ITGA9: variants seen among roughly 807,000 people sequenced by gnomAD.
The protein encoded by ITGA9 is integrin alpha-9.
ITGA9 carries 56 observed loss-of-function variants against 127.8 expected under a neutral mutation model. The ratio of observed to expected loss-of-function variants is 0.44; its 90% CI spans 0.35 to 0.55. The LOEUF (loss-of-function observed/expected upper bound fraction) is 0.55. ITGA9 is among the 20% of genes least tolerant of loss of function. The pLI is 0.00. For synonymous variants in ITGA9, 508 were observed against 514.5 expected, an observed-to-expected ratio of 0.99 and a Z score of 0.17; for missense variants, 1,196 against 1,347.1, an observed-to-expected ratio of 0.89 and a Z score of 1.76.
rs534734645 is a variant in ITGA9 at position 37,745,448 on chromosome 3, T to C, written c.2433+1414T>C. The stretch of plus-strand genomic sequence containing the variant: ...ATTTCTGAATTGCTTCTCAGAGTTA[T>C]TTTATTTTTCTCCTTTGCTTTTCGT... On this transcript the variant is annotated intron_variant, in intron 22 of 27. Transcript: ENST00000264741. 4 of 152,364 alleles carry C rather than the reference T, an allele frequency of 2.6e-5. No homozygotes were observed. In the South Asian group the frequency reaches 6.2e-4, roughly 24 times the overall value. The allele number at this position is 152,364 out of a possible 1,614,324, so 9.4% of individuals were successfully genotyped here.
intron 18 of ITGA9, among the ~76,000 whole-genome samples, chr3:37,695,353 G>A (rs1700874291): frequency 6.6e-6 from 1 of 152,196 alleles, no homozygotes; most frequent in Admixed American, 6.5e-5. Flanking sequence ...GAAATTGTTT[G>A]CTACAGTCGG....
chr3:37,492,504 C>T (rs530239855), intron 4 of ITGA9, among the ~76,000 whole-genome samples: 1 of 152,206 alleles, frequency 6.6e-6, no homozygotes, highest in African/African-American at 2.4e-5. Flanking sequence ...CTCGGAAACC[C>T]GAGGTCCTGC....
chr3:37,481,720 G>A, intron 4 of ITGA9, 113 bp downstream of exon 4: 1 of 1,394,524 alleles, frequency 7.2e-7, no homozygotes, highest in Non-Finnish European at 1.0e-6. Flanking sequence ...ACATGCTCAT[G>A]ATAGGGCAGC....
chr3:37,786,439 T>C (rs1473409834), intron 26 of ITGA9, among the ~76,000 whole-genome samples: 1 of 151,898 alleles, frequency 6.6e-6, no homozygotes, highest in Non-Finnish European at 1.5e-5. Context: ...CTAAAAAATA[T>C]AAAAATTAGC....
chr3:37,478,506 G>A (rs1337529912), intron 3 of ITGA9, among the ~76,000 whole-genome samples: 1 of 152,120 alleles, frequency 6.6e-6, no homozygotes, highest in Non-Finnish European at 1.5e-5. Flanking sequence ...ATTTGGAGTG[G>A]GACAAGGCCC....
chr3:37,627,977 C>T (rs371830599), intron 15 of ITGA9, among the ~76,000 whole-genome samples: 1 of 152,122 alleles, frequency 6.6e-6, no homozygotes, highest in Non-Finnish European at 1.5e-5. Flanking sequence ...GGGGTGGGAG[C>T]AAATTCCTCC....
intron 13 of ITGA9, among the ~76,000 whole-genome samples, chr3:37,529,018 C>T (rs199927311): frequency 6.6e-6 from 1 of 151,762 alleles, no homozygotes; most frequent in African/African-American, 2.4e-5. Context: ...AGTATGGACT[C>T]TTGTTTCTGG....
At chr3:37,578,520 C>A in intron 15 of ITGA9, among the ~76,000 whole-genome samples, 1 of 151,782 alleles carries the variant, frequency 6.6e-6, no homozygotes, top group African/African-American at 2.4e-5. Flanking sequence ...CTTCCTTTCA[C>A]CCATCTTTTT....
At chr3:37,516,620 C>T (rs905979438) in intron 9 of ITGA9, among the ~76,000 whole-genome samples, 3 of 152,178 alleles carry the variant, frequency 2.0e-5, no homozygotes, top group Non-Finnish European at 2.9e-5. Context: ...GAAATCATCT[C>T]ACCTTGACTG....
At chr3:37,654,524 T>C (rs1700459194) in intron 17 of ITGA9, among the ~76,000 whole-genome samples, 1 of 152,208 alleles carries the variant, frequency 6.6e-6, no homozygotes. Context: ...TGTTTTAGCC[T>C]TGGGGCCAGA....
intron 16 of ITGA9, among the ~76,000 whole-genome samples, chr3:37,638,451 G>GAA (rs35047739): frequency 0.049 from 6,262 of 127,528 alleles, 377 homozygotes; most frequent in African/African-American, 0.13. Flanking sequence ...TGATTATGGG[G>GAA]AAAAAAAAAA....
At chr3:37,473,494 G>GT (rs777053830) in intron 3 of ITGA9, 34 bp downstream of exon 3, 12 of 1,496,226 alleles carry the variant, frequency 8.0e-6, no homozygotes, top group Non-Finnish European at 1.1e-5. Flanking sequence ...TGGGAAGGGG[G>GT]TGGCACTCTG....
At chr3:37,714,172 A>C (rs916211532) in intron 18 of ITGA9, among the ~76,000 whole-genome samples, 5 of 152,224 alleles carry the variant, frequency 3.3e-5, no homozygotes, top group Non-Finnish European at 7.4e-5. Flanking sequence ...CTGAGTTCTC[A>C]GAGGCTTGAT....
chr3:37,507,624 A>G (rs535692358), intron 7 of ITGA9, among the ~76,000 whole-genome samples: 1 of 152,334 alleles, frequency 6.6e-6, no homozygotes, highest in Admixed American at 6.5e-5. Flanking sequence ...TATAAAGTAC[A>G]TAAAAATGCT....
At chr3:37,517,857 T>C (rs1021909609) in intron 10 of ITGA9, among the ~76,000 whole-genome samples, 1 of 152,236 alleles carries the variant, frequency 6.6e-6, no homozygotes, top group Non-Finnish European at 1.5e-5. Context: ...TCTCACCAGC[T>C]CAGTGTTCTT....
intron 18 of ITGA9, among the ~76,000 whole-genome samples, chr3:37,716,288 G>T (rs2125681193): frequency 6.6e-6 from 1 of 152,120 alleles, no homozygotes; most frequent in East Asian, 1.9e-4. Context: ...CCATGATGTG[G>T]GATTTACATC....
At chr3:37,726,163 C>G (rs1696191295) in intron 18 of ITGA9, among the ~76,000 whole-genome samples, 1 of 152,190 alleles carries the variant, frequency 6.6e-6, no homozygotes, top group African/African-American at 2.4e-5. Context: ...GAAGTGCTTC[C>G]AAAATTTATT....
At chr3:37,792,783 G>C (rs144603972) in intron 26 of ITGA9, among the ~76,000 whole-genome samples, 6 of 152,284 alleles carry the variant, frequency 3.9e-5, no homozygotes, top group Non-Finnish European at 5.9e-5. Flanking sequence ...TGGTTAGAAG[G>C]CTGCGATTTT....
At chr3:37,724,752 C>A (rs1701228660) in intron 18 of ITGA9, among the ~76,000 whole-genome samples, 1 of 152,200 alleles carries the variant, frequency 6.6e-6, no homozygotes, top group East Asian at 1.9e-4. Context: ...CCCACCTCAG[C>A]CTCCCAAATT....
Sources: allele counts gnomAD v4.1 joint callset (sites outside exome capture counted in the v4.1 genomes callset), GRCh38; gene constraint gnomAD v4.1.1; transcripts MANE v1.5; gene names NCBI Gene and HGNC (gene_info 2026-07-23, HGNC 2026-07-21).